MECOM: variants seen among roughly 807,000 people sequenced by gnomAD.
The protein encoded by MECOM is MDS1 and EVI1 complex locus, also known as histone-lysine N-methyltransferase MECOM.
In MECOM, 13 loss-of-function variants were observed where a neutral mutation model predicts 116.3. The observed-to-expected ratio is 0.11, with a 90% CI of 0.07 to 0.18. MECOM has a LOEUF of 0.18. Ranked by LOEUF, MECOM falls within the 10% of genes least tolerant of loss-of-function variation. The pLI, the probability that MECOM is intolerant of heterozygous loss-of-function variation, is 1.00. For synonymous variants in MECOM, 528 were observed against 535.2 expected (o/e 0.99, Z 0.19); for missense variants, 1,299 against 1,509.0 (o/e 0.86, Z 2.31).
intron 1 of MECOM, among the ~76,000 whole-genome samples, chr3:169,552,306 C>A (rs200991985): frequency 2.5e-3 from 269 of 108,974 alleles, no homozygotes; most frequent in African/African-American, 7.1e-3. Flanking sequence ...TTCTTTTTTT[C>A]TTTGTCAATA....
chr3:169,326,264 G>A (rs1359085010), intron 2 of MECOM, among the ~76,000 whole-genome samples: 2 of 152,200 alleles, frequency 1.3e-5, no homozygotes, highest in African/African-American at 2.4e-5. Flanking sequence ...AAAGATGGAT[G>A]CACTCTGGAT....
intron 2 of MECOM, chr3:169,147,765 TGAGA>T (rs1299725227): frequency 2.4e-5 from 23 of 944,598 alleles, no homozygotes; most frequent in Non-Finnish European, 2.8e-5. Flanking sequence ...TGTGTGTGTG[TGAGA>T]GAGAGAGAGA....
intron 3 of MECOM, among the ~76,000 whole-genome samples, chr3:169,141,662 CAT>C (rs1413114929): frequency 5.3e-5 from 8 of 151,976 alleles, no homozygotes; most frequent in Non-Finnish European, 1.2e-4. Context: ...ATAATATATG[CAT>C]ACACTATTTG....
At chr3:169,093,620 C>G (rs910657503) in intron 13 of MECOM, among the ~76,000 whole-genome samples, 2 of 152,180 alleles carry the variant, frequency 1.3e-5, no homozygotes, top group Admixed American at 1.3e-4. Context: ...ACTCAGAACA[C>G]TCCAGTCCAG....
chr3:169,085,997 G>A (rs1226035056), intron 16 of MECOM, among the ~76,000 whole-genome samples: 1 of 152,190 alleles, frequency 6.6e-6, no homozygotes, highest in Admixed American at 6.5e-5. Flanking sequence ...TCCACTGTCT[G>A]TAAACAAAGA....
intron 2 of MECOM, among the ~76,000 whole-genome samples, chr3:169,152,300 A>T (rs538356875): frequency 1.3e-5 from 2 of 152,136 alleles, no homozygotes; most frequent in Non-Finnish European, 2.9e-5. Flanking sequence ...GAAATTAAAG[A>T]TAAAACAAAT....
At chr3:169,470,498 T>C (rs1040708079) in intron 1 of MECOM, among the ~76,000 whole-genome samples, 2 of 152,216 alleles carry the variant, frequency 1.3e-5, no homozygotes, top group Non-Finnish European at 2.9e-5. Context: ...TGAAGCTCAC[T>C]GCTGGAAGAA....
At chr3:169,526,935 T>C (rs1197402938) in intron 1 of MECOM, among the ~76,000 whole-genome samples, 1 of 152,178 alleles carries the variant, frequency 6.6e-6, no homozygotes, top group Admixed American at 6.5e-5. Flanking sequence ...AAGGAAATGT[T>C]GGTGATCCTA....
intron 1 of MECOM, among the ~76,000 whole-genome samples, chr3:169,443,088 T>C (rs929861228): frequency 1.3e-5 from 2 of 152,218 alleles, no homozygotes; most frequent in Non-Finnish European, 2.9e-5. Flanking sequence ...TTATGTTTTC[T>C]ACTCATAATA....
At chr3:169,204,113 G>T (rs1262417198) in intron 2 of MECOM, among the ~76,000 whole-genome samples, 3 of 152,166 alleles carry the variant, frequency 2.0e-5, no homozygotes, top group East Asian at 3.8e-4. Context: ...CTGGGAGAAG[G>T]TGGAAACCCT....
At chr3:169,596,968 T>C (rs1767218729) in intron 1 of MECOM, among the ~76,000 whole-genome samples, 2 of 152,170 alleles carry the variant, frequency 1.3e-5, no homozygotes, top group African/African-American at 4.8e-5. Flanking sequence ...AAAAGTTTCT[T>C]AGGACAATGA....
At chr3:169,427,171 TTAG>T (rs1740867691) in intron 1 of MECOM, among the ~76,000 whole-genome samples, 1 of 146,724 alleles carries the variant, frequency 6.8e-6, no homozygotes, top group South Asian at 2.1e-4. Flanking sequence ...TGTAAACTTT[TTAG>T]TATTTCCAAT....
At chr3:169,593,954 A>G (rs1033780784) in intron 1 of MECOM, among the ~76,000 whole-genome samples, 2 of 152,036 alleles carry the variant, frequency 1.3e-5, no homozygotes, top group Non-Finnish European at 2.9e-5. Flanking sequence ...CCTTGTCTCT[A>G]CTAAAAACAC....
chr3:169,238,189 A>G (rs962948660), intron 2 of MECOM, among the ~76,000 whole-genome samples: 3 of 151,492 alleles, frequency 2.0e-5, no homozygotes, highest in African/African-American at 4.8e-5. Flanking sequence ...AAAAAAAAAA[A>G]AGAAAAAAGA....
intron 2 of MECOM, among the ~76,000 whole-genome samples, chr3:169,323,741 T>C (rs1263585984): frequency 6.6e-6 from 1 of 152,084 alleles, no homozygotes. Context: ...ATGATAAAAA[T>C]GGAGATTGTT....
At chr3:169,096,100 A>G (rs1425219498) in intron 12 of MECOM, among the ~76,000 whole-genome samples, 3 of 152,144 alleles carry the variant, frequency 2.0e-5, no homozygotes, top group African/African-American at 7.2e-5. Flanking sequence ...ACAAAAATGC[A>G]AGGCCTCCTT....
rs2109507614 is a variant in MECOM, at chr3:169,577,814, A to G, written c.37+85522T>C. The stretch of plus-strand genomic sequence containing the variant: ...AAATTTCTCTACTTGTTATTTCTAC[A>G]GAGGACCTGGAGGAGATGGGAGAGG... On this transcript the variant is annotated intron_variant, in intron 1 of 16. Transcript: ENST00000651503. Among the ~76,000 whole-genome samples the G allele has an allele frequency of 2.0e-5, 3 of 152,306 alleles. No individual in the cohort carries two copies. The South Asian group carries it at 6.2e-4, about 32-fold the overall frequency.
In MECOM at chr3:169,357,633, A is replaced by C. The variant is rs1164028648; in HGVS notation, c.375+23554T>G. On this transcript the variant is annotated intron_variant, in intron 2 of 16. Transcript: ENST00000651503. ...AATTACAGGTGTGCTTCCCACCTGC[A>C]TCCTCAAAAAAAGACTAATTGTGCC... Among the ~76,000 whole-genome samples the C allele has an allele frequency of 6.6e-5, 10 of 152,002 alleles. No homozygotes were observed. In the East Asian group the frequency reaches 1.9e-3, roughly 30 times the overall value.
At chr3:169,417,508 T>G (rs1045617819) in intron 1 of MECOM, among the ~76,000 whole-genome samples, 77 of 152,134 alleles carry the variant, frequency 5.1e-4, no homozygotes, top group African/African-American at 1.7e-3. Flanking sequence ...ACACTGTTGG[T>G]GGGACTGTAA....
Sources: gnomAD v4.1 joint callset for allele counts (sites outside exome capture counted in the v4.1 genomes callset) on GRCh38, gnomAD v4.1.1 for gene constraint, MANE v1.5 for transcripts, NCBI Gene and HGNC (gene_info 2026-07-23, HGNC 2026-07-21) for gene names.